CCDC7: variants seen among roughly 807,000 people sequenced by gnomAD.
CCDC7 encodes coiled-coil domain containing 7, also known as coiled-coil domain-containing protein 7.
A neutral mutation model predicts 196.9 loss-of-function variants in CCDC7; 183 were observed. That is an observed-to-expected ratio of 0.93 (90% CI 0.82 to 1.05). The LOEUF is 1.05. Among genes scored for constraint, CCDC7 ranks in the 50% least tolerant of loss-of-function variants. The pLI, the probability that CCDC7 is intolerant of heterozygous loss-of-function variation, is 0.00. For synonymous variants in CCDC7, 525 were observed against 484.6 expected (o/e 1.08, Z -1.10); for missense variants, 1,540 against 1,482.2 (o/e 1.04, Z -0.64).
At chr10:32,539,778 T>C (rs2051104557) in intron 11 of CCDC7, among the ~76,000 whole-genome samples, 1 of 151,162 alleles carries the variant, frequency 6.6e-6, no homozygotes, top group Admixed American at 6.6e-5. Flanking sequence ...TACCCAAATG[T>C]CATTCAGGAG....
chr10:32,858,365 C>G (rs2093838498), intron 41 of CCDC7, among the ~76,000 whole-genome samples: 1 of 152,150 alleles, frequency 6.6e-6, no homozygotes, highest in African/African-American at 2.4e-5. Context: ...AGAGCAATAT[C>G]TCTGATGAAC....
At chr10:32,854,528 C>G in intron 41 of CCDC7, 39 bp downstream of exon 42, 2 of 1,261,480 alleles carry the variant, frequency 1.6e-6, no homozygotes, top group South Asian at 2.6e-5. Flanking sequence ...TGAAATAAAA[C>G]TTTATGCTAT....
intron 28 of CCDC7, among the ~76,000 whole-genome samples, chr10:32,766,044 T>C (rs1228666176): frequency 6.6e-6 from 1 of 152,054 alleles, no homozygotes; most frequent in Non-Finnish European, 1.5e-5. Flanking sequence ...TTGTTTATTA[T>C]ATTGATGATA....
intron 9 of CCDC7, among the ~76,000 whole-genome samples, chr10:32,509,452 A>G (rs1450878432): frequency 6.6e-6 from 1 of 151,810 alleles, no homozygotes; most frequent in Non-Finnish European, 1.5e-5. Context: ...AAACTCCTCG[A>G]TGAAAACATA....
chr10:32,761,315 T>C (rs533996164), intron 28 of CCDC7, among the ~76,000 whole-genome samples: 1 of 152,110 alleles, frequency 6.6e-6, no homozygotes, highest in South Asian at 2.1e-4. Flanking sequence ...GGGTATATGG[T>C]ACTTGATACA....
chr10:32,814,387 T>C lies in CCDC7; in HGVS notation c.3115T>C (p.Leu1039=), dbSNP rs1327399420. The stretch of plus-strand genomic sequence containing the variant: ...TTCTATAGGGCCTGATATAGAACAA[T>C]TGACAGATGCATTTGGAAGAGATAT... The change falls in exon 31 of 42, where the codon TTG becomes CTG. Residue 1039 remains leucine (L), a synonymous_variant. Transcript: ENST00000639629. 5 of 1,610,340 alleles carry C rather than the reference T, an allele frequency of 3.1e-6. No individual in the cohort carries two copies. The African/African-American group carries it at 4.0e-5, about 13-fold the overall frequency.
chr10:32,540,542 G>A (rs1282116146), intron 11 of CCDC7, among the ~76,000 whole-genome samples: 1 of 152,148 alleles, frequency 6.6e-6, no homozygotes, highest in Admixed American at 6.5e-5. Context: ...ATATTGATAT[G>A]TATGGGTTTG....
chr10:32,602,282 C>T lies in CCDC7; in HGVS notation c.1801+17978C>T, dbSNP rs141534473. Among the ~76,000 whole-genome samples, 271 of 151,902 alleles carry T rather than the reference C, an allele frequency of 1.8e-3. 2 individuals carry two copies. Among genetic ancestry groups the T allele is most frequent in the African/African-American group, 4.9e-3 (202 of 41,388 alleles). On this transcript the variant is annotated intron_variant, in intron 18 of 41. Transcript: ENST00000639629. Reference sequence around the variant, plus strand: ...CGAACCCACCAGAAAGAAGAAACTCCGGACACATCTGAACATCTGAAGGAA... The same window carrying T: ...CGAACCCACCAGAAAGAAGAAACTCTGGACACATCTGAACATCTGAAGGAA...
chr10:32,706,890 T>C (rs1212024587), intron 24 of CCDC7, among the ~76,000 whole-genome samples: 1 of 152,144 alleles, frequency 6.6e-6, no homozygotes, highest in African/African-American at 2.4e-5. Flanking sequence ...CTACCAGAGG[T>C]ACAAAGAGGA....
chr10:32,819,858 C>G (rs942812008), intron 31 of CCDC7, among the ~76,000 whole-genome samples: 2 of 152,206 alleles, frequency 1.3e-5, no homozygotes, highest in Non-Finnish European at 2.9e-5. Context: ...CAGCCAATAT[C>G]ATACTGAATG....
chr10:32,623,906 C>T, intron 18 of CCDC7: 1 of 403,396 alleles, frequency 2.5e-6, no homozygotes, highest in South Asian at 1.9e-5. Flanking sequence ...CTCACTTCTT[C>T]CCAAGGGGAT....
At chr10:32,507,815 G>T (rs183424791) in intron 9 of CCDC7, among the ~76,000 whole-genome samples, 1 of 152,086 alleles carries the variant, frequency 6.6e-6, no homozygotes, top group African/African-American at 2.4e-5. Flanking sequence ...ACAGCATTTC[G>T]CAGCATTCAA....
chr10:32,726,833 G>C lies in CCDC7; in HGVS notation c.2668+1G>C. ...ACTCCTGGAAGGGAAAGGCGTAATA[G>C]TAAGTGTAGTAATTATAGATGACTT... On this transcript the variant is annotated splice_donor_variant, in intron 26 of 41. Coordinates refer to ENST00000639629, the Ensembl canonical transcript of CCDC7. LOFTEE classifies it high-confidence loss of function. The C allele has an allele frequency of 6.6e-7, 1 of 1,515,564 alleles. No individual in the cohort carries two copies. The highest frequency in any genetic ancestry group is 1.8e-4 in the Middle Eastern group (1 of 5,548). The allele number at this position is 1,515,564 out of a possible 1,614,324, so 93.9% of individuals were successfully genotyped here.
At chr10:32,731,958 C>T (rs1006999803) in intron 28 of CCDC7, among the ~76,000 whole-genome samples, 4 of 152,110 alleles carry the variant, frequency 2.6e-5, no homozygotes, top group African/African-American at 4.8e-5. Flanking sequence ...GAGGCTGAGA[C>T]AGGAGAATTG....
chr10:32,844,783 C>A (rs2093181411), intron 33 of CCDC7, among the ~76,000 whole-genome samples: 1 of 151,760 alleles, frequency 6.6e-6, no homozygotes, highest in African/African-American at 2.4e-5. Flanking sequence ...TATATGAGTT[C>A]TAATAGCCCT....
intron 28 of CCDC7, among the ~76,000 whole-genome samples, chr10:32,765,706 T>A (rs978137474): frequency 6.6e-6 from 1 of 152,056 alleles, no homozygotes; most frequent in African/African-American, 2.4e-5. Flanking sequence ...CACCTATTTG[T>A]CCTGTTCAGA....
intron 18 of CCDC7, among the ~76,000 whole-genome samples, chr10:32,597,778 T>TG (rs1408205551): frequency 4.6e-5 from 7 of 152,244 alleles, no homozygotes; most frequent in Admixed American, 6.5e-5. Flanking sequence ...TGGGGTGTGC[T>TG]GGCGGTCCAC....
chr10:32,585,945 G>A (rs551231444), intron 18 of CCDC7, among the ~76,000 whole-genome samples: 100 of 152,176 alleles, frequency 6.6e-4, no homozygotes, highest in Non-Finnish European at 1.2e-3. Flanking sequence ...TTGAGGAATC[G>A]CCACACTGTC....
intron 23 of CCDC7, among the ~76,000 whole-genome samples, chr10:32,689,482 CCTT>C (rs146759854): frequency 0.053 from 8,032 of 152,086 alleles, 701 homozygotes; most frequent in African/African-American, 0.18. Context: ...TCACCTGTGG[CCTT>C]CTTCCATAGG....
Sources: gnomAD v4.1 joint callset for allele counts (sites outside exome capture counted in the v4.1 genomes callset) on GRCh38, gnomAD v4.1.1 for gene constraint, MANE v1.5 for transcripts, NCBI Gene and HGNC (gene_info 2026-07-23, HGNC 2026-07-21) for gene names.